The following CDIP1 variants were observed in gnomAD, a reference collection of about 807,000 sequenced individuals.
The protein encoded by CDIP1 is cell death-inducing p53-target protein 1.
Under a neutral mutation model 17.7 loss-of-function variants are expected in CDIP1, and 9 were observed. The ratio of observed to expected loss-of-function variants is 0.51; its 90% confidence interval spans 0.31 to 0.89. The LOEUF (loss-of-function observed/expected upper bound fraction) is 0.89, where lower values mean the gene tolerates loss of function less well. Among genes scored for constraint, CDIP1 ranks in the 40% least tolerant of loss-of-function variants. CDIP1 has a pLI of 0.05. For missense variants in CDIP1, 263 were observed against 277.9 expected (o/e 0.95, Z 0.38); for synonymous variants, 117 against 109.5 (o/e 1.07, Z -0.43).
In CDIP1 at chr16:4,513,435, C is replaced by T. The variant is rs2058854166; in HGVS notation, c.241+261G>A. Among the ~76,000 whole-genome samples, 1 of 152,122 alleles carries T rather than the reference C, an allele frequency of 6.6e-6. No individual in the cohort carries two copies. The highest frequency in any genetic ancestry group is 1.5e-5 in the Non-Finnish European group (1 of 67,998). On this transcript the variant is annotated intron_variant, in intron 4 of 5. Coordinates refer to ENST00000567695, the MANE Select transcript of CDIP1 (RefSeq NM_013399.3). The surrounding 1 kb of genome is among the most constrained non-coding windows in gnomAD (Gnocchi z 4.1). ...GCGGGTCACCCACCCCTCTCCTGCA[C>T]ACAAGGCGCCCCTCCCCACCCATGT...
In CDIP1 at chr16:4,513,945, C is replaced by T. The variant is rs1342657451; in HGVS notation, c.86-94G>A. ...ACTGTTTTGGGACACAGATGGGGCCCAGGGGTAACCCTGGAGTGGGCATCA... is the reference window on the plus strand; with the variant it reads ...ACTGTTTTGGGACACAGATGGGGCCTAGGGGTAACCCTGGAGTGGGCATCA... On this transcript the variant is annotated intron_variant, in intron 3 of 5. Transcript: ENST00000567695. The surrounding 1 kb of genome is among the most constrained non-coding windows in gnomAD (Gnocchi z 4.1). 26 of 1,392,548 alleles carry T rather than the reference C, an allele frequency of 1.9e-5. No individual in the cohort carries two copies. Among genetic ancestry groups the T allele is most frequent in the Non-Finnish European group, 2.1e-5 (22 of 1,029,560 alleles). 86.3% of individuals were successfully genotyped at this position (1,392,548 alleles called of 1,614,324 possible). A position where few individuals can be genotyped will look rare whatever the true frequency, so the allele number is the denominator to read the frequency against.
intron 1 of CDIP1, among the ~76,000 whole-genome samples, chr16:4,537,513 G>A (rs988726131): frequency 6.6e-5 from 10 of 152,130 alleles, no homozygotes; most frequent in South Asian, 4.1e-4. Flanking sequence ...GCCCCGCCCA[G>A]CATCAGGCCC....
chr16:4,522,579 A>C (rs886109581), intron 1 of CDIP1: 2 of 152,254 alleles, frequency 1.3e-5, no homozygotes, highest in South Asian at 2.1e-4. Flanking sequence ...TGTGCTGAAT[A>C]AAGGAGGTGC....
intron 1 of CDIP1, among the ~76,000 whole-genome samples, chr16:4,537,586 C>G (rs1188472162): frequency 1.3e-5 from 2 of 152,154 alleles, no homozygotes; most frequent in East Asian, 3.9e-4. Flanking sequence ...CCCGCCAACC[C>G]CCTCACTGGG....
At chr16:4,526,071 C>G (rs888289359) in intron 1 of CDIP1, among the ~76,000 whole-genome samples, 3 of 152,182 alleles carry the variant, frequency 2.0e-5, no homozygotes, top group African/African-American at 7.2e-5. Flanking sequence ...CCACCCAACC[C>G]TACATGCTCC....
At position 4,532,424 on chromosome 16, in the gene CDIP1, G is replaced by C. The variant is rs367775500; in HGVS notation, c.-105+6278C>G. 272 of 152,534 alleles carry C rather than the reference G, an allele frequency of 1.8e-3. 4 individuals are homozygous for C. The highest frequency in any genetic ancestry group is 6.4e-3 in the African/African-American group (264 of 41,560). The allele number at this position is 152,534 out of a possible 1,614,324, so 9.4% of individuals were successfully genotyped here. On this transcript the variant is annotated intron_variant, in intron 1 of 5. Transcript: ENST00000567695. ...CGTGGCATGGAAGAAGGAAGAACAA[G>C]GAAGTGGTTGCCACAGGGCTGCAGT...
At chr16:4,521,582 G>A (rs1488220742) in intron 1 of CDIP1, among the ~76,000 whole-genome samples, 3 of 152,072 alleles carry the variant, frequency 2.0e-5, no homozygotes, top group Non-Finnish European at 4.4e-5. Context: ...TGGGCTCTGG[G>A]CCAGGTGTGG....
intron 1 of CDIP1, among the ~76,000 whole-genome samples, chr16:4,515,580 C>T (rs1025903195): frequency 6.6e-6 from 1 of 151,628 alleles, no homozygotes; most frequent in African/African-American, 2.4e-5. Flanking sequence ...GAACTCAACT[C>T]AATAACAGAA....
intron 1 of CDIP1, among the ~76,000 whole-genome samples, chr16:4,522,001 G>A (rs1360064456): frequency 1.3e-5 from 2 of 152,286 alleles, no homozygotes; most frequent in East Asian, 1.9e-4. Flanking sequence ...AGGTATTGAC[G>A]CCTCTGCCAT....
intron 1 of CDIP1, among the ~76,000 whole-genome samples, chr16:4,516,594 T>C (rs2058890247): frequency 6.6e-6 from 1 of 151,352 alleles, no homozygotes; most frequent in Non-Finnish European, 1.5e-5. Flanking sequence ...CCTCAAACAA[T>C]CCTCCTGCCT....
intron 1 of CDIP1, chr16:4,532,183 G>A (rs917136087): frequency 4.6e-5 from 7 of 152,210 alleles, no homozygotes; most frequent in African/African-American, 7.2e-5. Flanking sequence ...CGGTCCCTGC[G>A]TCTTGGCTCT....
intron 1 of CDIP1, among the ~76,000 whole-genome samples, chr16:4,534,397 GT>G (rs1245475765): frequency 6.6e-6 from 1 of 152,206 alleles, no homozygotes; most frequent in East Asian, 1.9e-4. Context: ...TTGAATTCCA[GT>G]CAACTCCGTG....
chr16:4,523,006 G>A (rs542789399), intron 1 of CDIP1, among the ~76,000 whole-genome samples: 106 of 152,344 alleles, frequency 7.0e-4, no homozygotes, highest in African/African-American at 1.7e-3. Flanking sequence ...GCCATGCAGC[G>A]TGAGGGTCAT....
Position 4,511,089 on chromosome 16 carries a change from C to T in CDIP1, c.*1483G>A, listed in dbSNP as rs757989155. 4 of 152,252 alleles carry T rather than the reference C, an allele frequency of 2.6e-5. No individual in the cohort carries two copies. Among genetic ancestry groups the T allele is most frequent in the African/African-American group, 7.2e-5 (3 of 41,438 alleles). The allele number at this position is 152,252 out of a possible 1,614,324, so 9.4% of individuals were successfully genotyped here. A position where few individuals can be genotyped will look rare whatever the true frequency, so the allele number is the denominator to read the frequency against. On this transcript the variant is annotated 3_prime_UTR_variant, in exon 6 of 6. Transcript: ENST00000567695. ...ACCTTACAGCCACTGCCGAGACCAACGTGTGCCCTGGCCCAGTCACAGCTG... is the reference window on the plus strand; with the variant it reads ...ACCTTACAGCCACTGCCGAGACCAATGTGTGCCCTGGCCCAGTCACAGCTG...
intron 1 of CDIP1, among the ~76,000 whole-genome samples, chr16:4,531,251 A>G (rs1411738487): frequency 2.6e-5 from 4 of 151,580 alleles, no homozygotes; most frequent in Non-Finnish European, 4.4e-5. Flanking sequence ...GATGGTCTCG[A>G]TCTCCCGACC....
chr16:4,517,133 G>C (rs2058896562), intron 1 of CDIP1, among the ~76,000 whole-genome samples: 1 of 152,202 alleles, frequency 6.6e-6, no homozygotes, highest in South Asian at 2.1e-4. Context: ...GGCTAAGCTT[G>C]TCAGAGTGAG....
chr16:4,532,591 C>A (rs1255723064), intron 1 of CDIP1: 1 of 152,230 alleles, frequency 6.6e-6, no homozygotes, highest in Non-Finnish European at 1.5e-5. Flanking sequence ...TCATTTCGCC[C>A]CACGACTCTC....
chr16:4,523,232 CT>C (rs1216072624), intron 1 of CDIP1, among the ~76,000 whole-genome samples: 1 of 152,178 alleles, frequency 6.6e-6, no homozygotes, highest in African/African-American at 2.4e-5. Context: ...AGACACGTCC[CT>C]GGCTGGGCGC....
chr16:4,538,367 G>A (rs890112719), intron 1 of CDIP1: 1 of 152,320 alleles, frequency 6.6e-6, no homozygotes, highest in Admixed American at 6.5e-5. Context: ...AGCGGAGAGG[G>A]GCCCGGGTCC....
Sources: allele counts gnomAD v4.1 joint callset (sites outside exome capture counted in the v4.1 genomes callset), GRCh38; gene constraint gnomAD v4.1.1; non-coding constraint Gnocchi (gnomAD v3.1); transcripts MANE v1.5; gene names NCBI Gene and HGNC (gene_info 2026-07-23, HGNC 2026-07-21).